The following PRKN variants were observed in gnomAD, a reference collection of about 807,000 sequenced individuals.
PRKN encodes parkin RBR E3 ubiquitin protein ligase.
A neutral mutation model predicts 59.5 loss-of-function variants in PRKN; 56 were observed. The observed-to-expected ratio is 0.94, with a 90% CI of 0.76 to 1.18. The LOEUF (loss-of-function observed/expected upper bound fraction) is 1.18, where lower values mean the gene tolerates loss of function less well. Ranked by LOEUF, PRKN falls within the 50% of genes most tolerant of loss-of-function variation. The pLI, the probability that PRKN is intolerant of heterozygous loss-of-function variation, is 0.00. For synonymous variants in PRKN, 250 were observed against 222.1 expected (o/e 1.13, Z -1.12); for missense variants, 657 against 596.4 (o/e 1.10, Z -1.06).
intron 6 of PRKN, among the ~76,000 whole-genome samples, chr6:161,846,151 T>A (rs558888622): frequency 6.6e-6 from 1 of 152,264 alleles, no homozygotes; most frequent in African/African-American, 2.4e-5. Context: ...ATCTATCCCA[T>A]GTGAAGAGAA....
intron 6 of PRKN, among the ~76,000 whole-genome samples, chr6:161,920,747 G>A (rs1043289886): frequency 2.0e-5 from 3 of 150,396 alleles, no homozygotes; most frequent in Non-Finnish European, 4.4e-5. Context: ...CCAAGATAGC[G>A]CCACTGCACT....
rs1283879531 is a variant in PRKN, at chr6:161,593,541, G to A, written c.872-24125C>T. ...GTGCAGCGGTCAGGTGGGAGGTGAT[G>A]GCACCTGGGGGCTGGAAGGTGAGGC... On this transcript the variant is annotated intron_variant, in intron 7 of 11. Coordinates refer to ENST00000366898, the MANE Select transcript of PRKN (RefSeq NM_004562.3). The surrounding 1 kb of genome is among the most constrained non-coding windows in gnomAD (Gnocchi z 4.8). Among the ~76,000 whole-genome samples, 1 of 152,154 alleles carries A rather than the reference G, an allele frequency of 6.6e-6. No homozygotes were observed. The highest frequency in any genetic ancestry group is 1.5e-5 in the Non-Finnish European group (1 of 68,024).
At chr6:162,419,319 T>C (rs938948233) in intron 2 of PRKN, among the ~76,000 whole-genome samples, 8 of 152,290 alleles carry the variant, frequency 5.3e-5, no homozygotes, top group African/African-American at 1.4e-4. Flanking sequence ...TAGTTTTGTT[T>C]TGATTATATT....
chr6:161,478,928 GTCA>G (rs1195567348), intron 9 of PRKN, among the ~76,000 whole-genome samples: 3 of 152,194 alleles, frequency 2.0e-5, no homozygotes, highest in African/African-American at 7.2e-5. Context: ...TGCAGCTATA[GTCA>G]TCATATAAAT....
At chr6:162,025,651 C>T (rs953229622) in intron 5 of PRKN, among the ~76,000 whole-genome samples, 3 of 136,346 alleles carry the variant, frequency 2.2e-5, no homozygotes, top group Non-Finnish European at 3.0e-5. Flanking sequence ...TACAGTGCCA[C>T]GATCTCAGCT....
intron 5 of PRKN, among the ~76,000 whole-genome samples, chr6:162,052,583 T>C (rs914042680): frequency 1.3e-5 from 2 of 152,192 alleles, no homozygotes; most frequent in African/African-American, 4.8e-5. Flanking sequence ...TTTGGGCTAC[T>C]CTCAGCCCAG....
chr6:162,012,031 G>A (rs564626252), intron 5 of PRKN, among the ~76,000 whole-genome samples: 8 of 152,102 alleles, frequency 5.3e-5, no homozygotes, highest in East Asian at 1.9e-4. Context: ...ATAATGACAC[G>A]CAAAATGCTT....
intron 1 of PRKN, among the ~76,000 whole-genome samples, chr6:162,584,860 TCCTCCCCTCC>T (rs1159246085): frequency 8.5e-4 from 2 of 2,360 alleles, no homozygotes; most frequent in Admixed American, 6.1e-3. Context: ...CTGTCCCATC[TCCTCCCCTCC>T]CCTCCCCTCC....
At chr6:162,686,107 A>AAAATATT (rs1779966325) in intron 1 of PRKN, among the ~76,000 whole-genome samples, 1 of 152,216 alleles carries the variant, frequency 6.6e-6, no homozygotes, top group South Asian at 2.1e-4. Flanking sequence ...AGTTAATTTT[A>AAAATATT]AAATATTAAA....
chr6:161,589,321 C>T (rs951853166), intron 7 of PRKN, among the ~76,000 whole-genome samples: 39 of 152,236 alleles, frequency 2.6e-4, no homozygotes, highest in African/African-American at 8.7e-4. Context: ...TCCTTTCTCC[C>T]GTAAAGCCCT....
intron 3 of PRKN, among the ~76,000 whole-genome samples, chr6:162,211,515 A>G (rs1470165885): frequency 2.0e-5 from 3 of 152,190 alleles, no homozygotes; most frequent in African/African-American, 7.2e-5. Context: ...TTTAAAAAAT[A>G]ATTTAAAATT....
intron 7 of PRKN, among the ~76,000 whole-genome samples, chr6:161,618,727 C>G (rs908612725): frequency 3.3e-5 from 5 of 152,228 alleles, no homozygotes; most frequent in African/African-American, 1.2e-4. Context: ...CACACTCAAA[C>G]TGCTTTCTTT....
At chr6:161,918,955 C>A (rs1198157376) in intron 6 of PRKN, among the ~76,000 whole-genome samples, 2 of 152,134 alleles carry the variant, frequency 1.3e-5, no homozygotes, top group Non-Finnish European at 2.9e-5. Context: ...CAAAATATTG[C>A]AGCCACTTGA....
chr6:161,763,762 T>C (rs1250113207), intron 7 of PRKN, among the ~76,000 whole-genome samples: 4 of 152,026 alleles, frequency 2.6e-5, no homozygotes, highest in Admixed American at 6.6e-5. Flanking sequence ...GATTCCATGA[T>C]ACCACTCACG....
intron 6 of PRKN, among the ~76,000 whole-genome samples, chr6:161,952,518 C>T (rs1780027547): frequency 6.6e-6 from 1 of 152,146 alleles, no homozygotes; most frequent in Non-Finnish European, 1.5e-5. Context: ...AGTTGGGAGG[C>T]TGAGGCAGGA....
chr6:161,749,207 C>T (rs574773056), intron 7 of PRKN, among the ~76,000 whole-genome samples: 1 of 152,290 alleles, frequency 6.6e-6, no homozygotes, highest in Non-Finnish European at 1.5e-5. Flanking sequence ...CGCAGCTTCG[C>T]CTATTTCTCT....
intron 5 of PRKN, among the ~76,000 whole-genome samples, chr6:162,018,269 AC>A (rs1308860559): frequency 1.3e-5 from 2 of 152,064 alleles, no homozygotes; most frequent in Non-Finnish European, 1.5e-5. Flanking sequence ...CTCGTGATCC[AC>A]CTGCCTCGGC....
Position 162,342,471 on chromosome 6 carries a change from G to T in PRKN, c.172-79706C>A, listed in dbSNP as rs538464647. Among the ~76,000 whole-genome samples, 11 of 152,304 alleles carry T rather than the reference G, an allele frequency of 7.2e-5. No homozygotes were observed. In the South Asian group the frequency reaches 2.3e-3, roughly 32 times the overall value. On this transcript the variant is annotated intron_variant, in intron 2 of 11. Transcript: ENST00000366898. ...CACCTTCTTAATAACTTAATGAGGT[G>T]CTATTATGATAAATATTATAGGGTG...
At chr6:162,448,120 G>C (rs1284173810) in intron 1 of PRKN, among the ~76,000 whole-genome samples, 3 of 152,118 alleles carry the variant, frequency 2.0e-5, no homozygotes, top group Non-Finnish European at 4.4e-5. Context: ...CCTCATGAGA[G>C]GGTTTCCTAA....
Sources: allele counts gnomAD v4.1 joint callset (sites outside exome capture counted in the v4.1 genomes callset), GRCh38; gene constraint gnomAD v4.1.1; non-coding constraint Gnocchi (gnomAD v3.1); transcripts MANE v1.5; gene names NCBI Gene and HGNC (gene_info 2026-07-23, HGNC 2026-07-21).